The following KLRG1 variants were observed in gnomAD, a reference collection of about 807,000 sequenced individuals.
KLRG1 encodes killer cell lectin like receptor G1.
In KLRG1, 16 loss-of-function variants were observed where a neutral mutation model predicts 21.8. That is an observed-to-expected ratio of 0.73 (90% CI 0.50 to 1.11). The LOEUF (loss-of-function observed/expected upper bound fraction) is 1.11, where lower values mean the gene tolerates loss of function less well. Among genes scored for constraint, KLRG1 ranks in the 50% most tolerant of loss-of-function variants. The pLI, the probability that KLRG1 is intolerant of heterozygous loss-of-function variation, is 0.00. For synonymous variants in KLRG1, 69 were observed against 75.9 expected, an observed-to-expected ratio of 0.91 and a Z score of 0.47; for missense variants, 173 against 218.3, an observed-to-expected ratio of 0.79 and a Z score of 1.31.
At chr12:9,094,374 T>TATAC in the KLRG1 span, among the ~76,000 whole-genome samples, 13 of 139,640 alleles carry the variant, frequency 9.3e-5, no homozygotes, top group African/African-American at 2.9e-4. Flanking sequence ...TATATATATA[T>TATAC]ACCTATACAT....
At chr12:9,175,988 G>A in the KLRG1 span, among the ~76,000 whole-genome samples, 2 of 152,018 alleles carry the variant, frequency 1.3e-5, no homozygotes, top group Non-Finnish European at 2.9e-5. Context: ...AAATTATTCT[G>A]TTATAAAGAT....
chr12:8,954,785 C>T (rs1946261228), intron 1 of KLRG1, among the ~76,000 whole-genome samples: 1 of 152,156 alleles, frequency 6.6e-6, no homozygotes, highest in South Asian at 2.1e-4. Context: ...TAAGAAAACA[C>T]AGGAAGTGAT....
At chr12:8,953,950 AG>A (rs924502722) in intron 1 of KLRG1, among the ~76,000 whole-genome samples, 1 of 152,190 alleles carries the variant, frequency 6.6e-6, no homozygotes, top group Non-Finnish European at 1.5e-5. Context: ...TTCCTACCAC[AG>A]GAACATGCAG....
At chr12:9,153,163 CAT>C in the KLRG1 span, 10 of 1,614,070 alleles carry the variant, frequency 6.2e-6, no homozygotes, top group African/African-American at 1.3e-5. Context: ...ACTGTTATGA[CAT>C]ATTCTCCAGG....
chr12:9,017,304 A>G, the KLRG1 span, among the ~76,000 whole-genome samples: 1 of 150,404 alleles, frequency 6.6e-6, no homozygotes, highest in African/African-American at 2.4e-5. Flanking sequence ...AAGAAAAAAA[A>G]TCCCAAACAA....
chr12:9,083,423 A>G, the KLRG1 span, among the ~76,000 whole-genome samples: 1 of 152,160 alleles, frequency 6.6e-6, no homozygotes, highest in African/African-American at 2.4e-5. Flanking sequence ...TCTGCAACTT[A>G]GCTAATATTG....
the KLRG1 span, among the ~76,000 whole-genome samples, chr12:9,109,036 G>A: frequency 6.6e-5 from 10 of 151,564 alleles, no homozygotes; most frequent in East Asian, 1.9e-3. Context: ...TTCCCATTTT[G>A]TGTGTGTGTG....
chr12:8,983,598 A>G (rs1183883529), intron 1 of KLRG1, among the ~76,000 whole-genome samples: 1 of 151,848 alleles, frequency 6.6e-6, no homozygotes, highest in African/African-American at 2.4e-5. Flanking sequence ...ACGGGGTTTC[A>G]CCATGTTGGC....
chr12:9,038,271 A>T, the KLRG1 span, among the ~76,000 whole-genome samples: 3 of 152,200 alleles, frequency 2.0e-5, no homozygotes, highest in African/African-American at 7.2e-5. Flanking sequence ...GAATTGGCTC[A>T]TGGCTAGGCA....
At chr12:9,011,214 A>G (rs778819358), downstream of KLRG1, among the ~76,000 whole-genome samples, 32 of 152,178 alleles carry the variant, frequency 2.1e-4, no homozygotes, top group East Asian at 3.5e-3. Flanking sequence ...TCATCCACCT[A>G]TTGTCAGAAT....
the KLRG1 span, chr12:9,203,949 T>G: frequency 7.5e-6 from 12 of 1,605,556 alleles, no homozygotes; most frequent in African/African-American, 2.7e-5. Context: ...CACCATATAC[T>G]GCCTGGGAAA....
intron 3 of KLRG1, among the ~76,000 whole-genome samples, chr12:9,002,799 T>G (rs573518559): frequency 2.1e-3 from 313 of 152,072 alleles, no homozygotes; most frequent in Non-Finnish European, 3.5e-3. Flanking sequence ...ACTCCTGGGC[T>G]CAAGAGATTT....
At chr12:9,003,298 G>A (rs1192007732) in intron 3 of KLRG1, among the ~76,000 whole-genome samples, 1 of 151,986 alleles carries the variant, frequency 6.6e-6, no homozygotes, top group African/African-American at 2.4e-5. Flanking sequence ...ATTATCAGTG[G>A]AGAAATGGGG....
chr12:9,105,680 G>C, the KLRG1 span, among the ~76,000 whole-genome samples: 1 of 152,106 alleles, frequency 6.6e-6, no homozygotes, highest in African/African-American at 2.4e-5. Context: ...AAAAATCTGA[G>C]AACCTTAAAT....
the KLRG1 span, among the ~76,000 whole-genome samples, chr12:9,177,564 A>G: frequency 5.3e-5 from 8 of 152,258 alleles, no homozygotes; most frequent in African/African-American, 1.9e-4. Context: ...AGCAGTAGAT[A>G]GGTAACGCAA....
At chr12:8,998,463 T>C (rs1002546257) in intron 3 of KLRG1, among the ~76,000 whole-genome samples, 1 of 152,004 alleles carries the variant, frequency 6.6e-6, no homozygotes, top group Non-Finnish European at 1.5e-5. Flanking sequence ...CCATGGCAGG[T>C]GGATTGCTTG....
chr12:9,149,655 C>T, the KLRG1 span: 4 of 1,571,114 alleles, frequency 2.5e-6, no homozygotes, highest in Non-Finnish European at 3.5e-6. Flanking sequence ...GAACTAGGGA[C>T]CATGCTAAAT....
the KLRG1 span, among the ~76,000 whole-genome samples, chr12:9,096,664 G>A: frequency 1.4e-3 from 215 of 152,320 alleles, 1 homozygote; most frequent in African/African-American, 4.7e-3. Flanking sequence ...CATTATATTC[G>A]TAGGAGTTTA....
chr12:9,197,484 ATATAT>A, the KLRG1 span, among the ~76,000 whole-genome samples: 8 of 128,954 alleles, frequency 6.2e-5, no homozygotes, highest in East Asian at 2.1e-4. Context: ...TAATAATATA[ATATAT>A]TATATATAAA....
Sources: allele counts gnomAD v4.1 joint callset (sites outside exome capture counted in the v4.1 genomes callset), GRCh38; gene constraint gnomAD v4.1.1; transcripts MANE v1.5; gene names NCBI Gene and HGNC (gene_info 2026-07-23, HGNC 2026-07-21).